Variants in STPG2 observed in about 807,000 individuals in gnomAD.
STPG2 encodes sperm-tail PG-rich repeat-containing protein 2.
Under a neutral mutation model 54.2 loss-of-function variants are expected in STPG2, and 56 were observed. The ratio of observed to expected loss-of-function variants is 1.03; its 90% CI spans 0.83 to 1.29. The LOEUF is 1.29. Among genes scored for constraint, STPG2 ranks in the 50% most tolerant of loss-of-function variants. The pLI, the probability that STPG2 is intolerant of heterozygous loss-of-function variation, is 0.00. For missense variants in STPG2, 596 were observed against 544.9 expected, an observed-to-expected ratio of 1.09 and a Z score of -0.93; for synonymous variants, 200 against 181.8, an observed-to-expected ratio of 1.10 and a Z score of -0.81.
chr4:97,735,272 T>C (rs1256299739), intron 9 of STPG2, among the ~76,000 whole-genome samples: 1 of 151,682 alleles, frequency 6.6e-6, no homozygotes, highest in Non-Finnish European at 1.5e-5. Flanking sequence ...TATATATATA[T>C]ACATACACAA....
At chr4:97,644,035 T>C (rs892000176) in intron 10 of STPG2, among the ~76,000 whole-genome samples, 1 of 151,902 alleles carries the variant, frequency 6.6e-6, no homozygotes, top group Non-Finnish European at 1.5e-5. Flanking sequence ...TGAATTGATA[T>C]GGCAAAGTTC....
At chr4:97,845,702 T>A (rs370856280) in intron 8 of STPG2, among the ~76,000 whole-genome samples, 35 of 152,334 alleles carry the variant, frequency 2.3e-4, no homozygotes, top group African/African-American at 6.0e-4. Flanking sequence ...TACATTTTGA[T>A]AAACCTCTGC....
intron 4 of STPG2, among the ~76,000 whole-genome samples, chr4:97,481,615 G>A (rs562064325): frequency 6.3e-4 from 96 of 151,250 alleles, no homozygotes; most frequent in African/African-American, 2.0e-3. Flanking sequence ...TGCTATTATC[G>A]GTGGCACAAT....
intron 10 of STPG2, among the ~76,000 whole-genome samples, chr4:97,698,661 C>G (rs1372698192): frequency 6.6e-6 from 1 of 152,142 alleles, no homozygotes; most frequent in Non-Finnish European, 1.5e-5. Flanking sequence ...CCTGTGAATC[C>G]TGGCTATGGG....
intron 5 of STPG2, among the ~76,000 whole-genome samples, chr4:98,101,091 C>T (rs1350278024): frequency 1.3e-5 from 2 of 152,128 alleles, no homozygotes; most frequent in Non-Finnish European, 2.9e-5. Flanking sequence ...CACATTAAGA[C>T]ATTTCTCCAG....
intron 10 of STPG2, among the ~76,000 whole-genome samples, chr4:97,575,353 G>A (rs900281904): frequency 4.6e-5 from 7 of 151,488 alleles, no homozygotes; most frequent in Non-Finnish European, 8.9e-5. Context: ...AAAACAACAG[G>A]CCAATATCTA....
At chr4:97,737,402 A>C (rs1163814530) in intron 9 of STPG2, among the ~76,000 whole-genome samples, 2 of 152,222 alleles carry the variant, frequency 1.3e-5, no homozygotes, top group African/African-American at 4.8e-5. Context: ...TTCAGCCGAT[A>C]AAACTACTCC....
At chr4:98,127,335 G>GA (rs1360672997) in intron 3 of STPG2, among the ~76,000 whole-genome samples, 2 of 151,992 alleles carry the variant, frequency 1.3e-5, no homozygotes, top group African/African-American at 4.8e-5. Context: ...AATGTTTTAA[G>GA]AAAAAAGATT....
At chr4:97,981,111 G>T in intron 6 of STPG2, 48 bp downstream of exon 6, 1 of 1,576,156 alleles carries the variant, frequency 6.3e-7, no homozygotes. Context: ...AGAACATTAA[G>T]TTTCTTTATA....
At chr4:98,012,805 C>A (rs995926017) in intron 5 of STPG2, among the ~76,000 whole-genome samples, 1 of 152,108 alleles carries the variant, frequency 6.6e-6, no homozygotes, top group Non-Finnish European at 1.5e-5. Context: ...GATTTTGTAT[C>A]CTGAGACTTT....
intron 9 of STPG2, among the ~76,000 whole-genome samples, chr4:97,792,008 G>C (rs578081999): frequency 6.6e-6 from 1 of 151,946 alleles, no homozygotes; most frequent in East Asian, 1.9e-4. Flanking sequence ...CTTGAAAACA[G>C]GTAGAGAAAA....
intron 10 of STPG2, among the ~76,000 whole-genome samples, chr4:97,560,457 G>C (rs564922551): frequency 6.6e-6 from 1 of 152,128 alleles, no homozygotes; most frequent in African/African-American, 2.4e-5. Flanking sequence ...CCCTTTAAGA[G>C]AGGGAAAGAA....
At chr4:97,641,982 T>C (rs1246021035) in intron 10 of STPG2, among the ~76,000 whole-genome samples, 1 of 151,542 alleles carries the variant, frequency 6.6e-6, no homozygotes, top group East Asian at 1.9e-4. Flanking sequence ...TATTCTTTAT[T>C]CTCCATGGTT....
chr4:97,662,967 GAACT>G (rs1258328396), intron 10 of STPG2, among the ~76,000 whole-genome samples: 3 of 151,962 alleles, frequency 2.0e-5, no homozygotes, highest in Admixed American at 6.6e-5. Context: ...TAAAATACTA[GAACT>G]AATATGCAAA....
At position 97,909,903 on chromosome 4, in the gene STPG2, C is replaced by A. The variant is rs570230516; in HGVS notation, c.1044+33994G>T. Among the ~76,000 whole-genome samples, 4 of 152,234 alleles carry A rather than the reference C, an allele frequency of 2.6e-5. No individual in the cohort carries two copies. The South Asian group carries it at 8.3e-4, about 32-fold the overall frequency. ...GGATACTCACTTGCACCAGTTTTATCCAGCATCCTACTGATGATGCCAATG... is the reference window on the plus strand; with the variant it reads ...GGATACTCACTTGCACCAGTTTTATACAGCATCCTACTGATGATGCCAATG... On this transcript the variant is annotated intron_variant, in intron 8 of 10. Transcript: ENST00000295268.
chr4:97,921,598 G>A (rs1235622143), intron 8 of STPG2, among the ~76,000 whole-genome samples: 2 of 151,566 alleles, frequency 1.3e-5, no homozygotes, highest in Non-Finnish European at 2.9e-5. Flanking sequence ...ATTACCCAGA[G>A]GAACAAAAAG....
chr4:97,979,966 A>G (rs952689924), intron 6 of STPG2, among the ~76,000 whole-genome samples: 1 of 151,274 alleles, frequency 6.6e-6, no homozygotes, highest in Non-Finnish European at 1.5e-5. Flanking sequence ...CTCATGATCC[A>G]CCCGCCTCAG....
At chr4:98,071,781 A>C (rs904474054) in intron 5 of STPG2, among the ~76,000 whole-genome samples, 1 of 152,246 alleles carries the variant, frequency 6.6e-6, no homozygotes, top group Non-Finnish European at 1.5e-5. Context: ...GAAGACATTC[A>C]CGTAGTCAAC....
At chr4:97,594,267 A>G (rs1733223645) in intron 10 of STPG2, among the ~76,000 whole-genome samples, 1 of 152,230 alleles carries the variant, frequency 6.6e-6, no homozygotes, top group African/African-American at 2.4e-5. Context: ...AAAATGATGC[A>G]GGAGATGAAA....
Sources: gnomAD v4.1 joint callset for allele counts (sites outside exome capture counted in the v4.1 genomes callset) on GRCh38, gnomAD v4.1.1 for gene constraint, MANE v1.5 for transcripts, NCBI Gene and HGNC (gene_info 2026-07-23, HGNC 2026-07-21) for gene names.